NDUFAF7: variants seen among roughly 807,000 people sequenced by gnomAD.
NDUFAF7 encodes the protein protein arginine methyltransferase NDUFAF7, mitochondrial.
A neutral mutation model predicts 47.2 loss-of-function variants in NDUFAF7; 48 were observed. The observed-to-expected ratio is 1.02, with a 90% confidence interval of 0.81 to 1.29. The LOEUF is 1.29. Ranked by LOEUF, NDUFAF7 falls within the 50% of genes most tolerant of loss-of-function variation. The pLI is 0.00. For synonymous variants in NDUFAF7, 217 were observed against 190.0 expected (o/e 1.14, Z -1.17); for missense variants, 635 against 537.6 (o/e 1.18, Z -1.79).
At chr2:37,237,199 A>AC (rs1665885974) in intron 3 of NDUFAF7, among the ~76,000 whole-genome samples, 1 of 152,040 alleles carries the variant, frequency 6.6e-6, no homozygotes, top group Non-Finnish European at 1.5e-5. Context: ...TGAACTCCCG[A>AC]CCTCAGGTGG....
the NDUFAF7 span, chr2:37,267,854 C>T: frequency 3.9e-6 from 1 of 259,030 alleles, no homozygotes. Flanking sequence ...GAGACTCTGT[C>T]AAGATGGAAA....
intron 6 of NDUFAF7, among the ~76,000 whole-genome samples, chr2:37,243,112 C>T (rs905902883): frequency 1.3e-4 from 20 of 152,222 alleles, no homozygotes; most frequent in Admixed American, 7.2e-4. Flanking sequence ...CAGGTGTGCG[C>T]CACTGCACCC....
At chr2:37,232,611 G>A in intron 2 of NDUFAF7, among the ~76,000 whole-genome samples, 1 of 152,142 alleles carries the variant, frequency 6.6e-6, no homozygotes, top group East Asian at 1.9e-4. Flanking sequence ...AGGATGGAGA[G>A]TTCAGGCTGG....
rs1390118519 is a variant in NDUFAF7, at chr2:37,248,532, C to T, written c.*182C>T. 1.5e-5 allele frequency: 10 copies of T among 650,212 alleles called. No homozygotes were observed. Among genetic ancestry groups the T allele is most frequent in the Middle Eastern group, 4.1e-4 (1 of 2,430 alleles). The allele number at this position is 650,212 out of a possible 1,614,324, so 40.3% of individuals were successfully genotyped here. A position where few individuals can be genotyped will look rare whatever the true frequency, so the allele number is the denominator to read the frequency against. ...TTTAGGGTTGTGACTGGCTTTGGTG[C>T]AAATGTGTGCTCAAGCTAATAAGTT... is the stretch of plus-strand genomic sequence containing the variant. On this transcript the variant is annotated 3_prime_UTR_variant, in exon 10 of 10. Transcript: ENST00000002125.
intron 2 of NDUFAF7, among the ~76,000 whole-genome samples, chr2:37,232,797 T>C (rs992517851): frequency 7.9e-5 from 12 of 152,190 alleles, no homozygotes; most frequent in African/African-American, 2.9e-4. Flanking sequence ...GTCTTCACTG[T>C]TCTAGGATTA....
At chr2:37,244,545 T>C (rs991325026) in intron 7 of NDUFAF7, among the ~76,000 whole-genome samples, 2 of 150,396 alleles carry the variant, frequency 1.3e-5, no homozygotes, top group African/African-American at 4.9e-5. Flanking sequence ...TGCAAGAGCC[T>C]GTCTATTGTG....
At chr2:37,245,128 C>G (rs1467666698) in intron 7 of NDUFAF7, among the ~76,000 whole-genome samples, 1 of 152,140 alleles carries the variant, frequency 6.6e-6, no homozygotes. Context: ...TCACAATAAA[C>G]CTACAATATC....
At chr2:37,245,099 G>C (rs971230306) in intron 7 of NDUFAF7, among the ~76,000 whole-genome samples, 2 of 152,132 alleles carry the variant, frequency 1.3e-5, no homozygotes, top group African/African-American at 4.8e-5. Context: ...TTAGCTAAAT[G>C]GTTAGTTATA....
At chr2:37,232,074 C>T (rs1418755178) in intron 1 of NDUFAF7, 32 bp from the exon 2 acceptor site, 1 of 1,614,150 alleles carries the variant, frequency 6.2e-7, no homozygotes, top group African/African-American at 1.3e-5. Context: ...TCAGATTTAT[C>T]ATGGGGTCTG....
intron 1 of NDUFAF7, 141 bp from the exon 2 acceptor site, chr2:37,231,965 G>A: frequency 6.3e-7 from 1 of 1,599,606 alleles, no homozygotes; most frequent in Non-Finnish European, 8.5e-7. Flanking sequence ...GCGCCCCGTG[G>A]GCGTGCTAAG....
At chr2:37,253,595 T>C (rs1667691212), downstream of NDUFAF7, among the ~76,000 whole-genome samples, 1 of 152,146 alleles carries the variant, frequency 6.6e-6, no homozygotes, top group Non-Finnish European at 1.5e-5. Context: ...TTAAAAAAAA[T>C]TTGCTTCAGG....
At chr2:37,245,257 G>C (rs868636097) in intron 7 of NDUFAF7, among the ~76,000 whole-genome samples, 1 of 152,146 alleles carries the variant, frequency 6.6e-6, no homozygotes, top group Non-Finnish European at 1.5e-5. Context: ...CATCAGGGCA[G>C]GTCATTACTG....
intron 4 of NDUFAF7, among the ~76,000 whole-genome samples, chr2:37,239,158 A>C: frequency 7.2e-6 from 1 of 138,224 alleles, no homozygotes. Context: ...TCACTTTGTC[A>C]CTCAGGCTGG....
chr2:37,250,070 G>A (rs1572581423), downstream of NDUFAF7, among the ~76,000 whole-genome samples: 1 of 151,482 alleles, frequency 6.6e-6, no homozygotes, highest in African/African-American at 2.4e-5. Flanking sequence ...GCTATCATTA[G>A]TGGTGGTGTA....
At chr2:37,253,275 C>T, downstream of NDUFAF7, 1 of 1,613,016 alleles carries the variant, frequency 6.2e-7, no homozygotes, top group Non-Finnish European at 8.5e-7. Flanking sequence ...CAGCGAGCAT[C>T]ATCACTTTCA....
downstream of NDUFAF7, among the ~76,000 whole-genome samples, chr2:37,255,131 ACT>A (rs1432332034): frequency 6.6e-6 from 1 of 152,244 alleles, no homozygotes; most frequent in East Asian, 1.9e-4. Context: ...TACAGAACAC[ACT>A]GCCTCAGGAG....
the NDUFAF7 span, chr2:37,267,819 T>A: frequency 3.0e-6 from 1 of 331,434 alleles, no homozygotes; most frequent in African/African-American, 2.2e-5. Context: ...TCAATGATAG[T>A]TAATTACCCT....
chr2:37,264,869 A>G, the NDUFAF7 span, among the ~76,000 whole-genome samples: 1 of 152,198 alleles, frequency 6.6e-6, no homozygotes, highest in Non-Finnish European at 1.5e-5. Context: ...CATTTCTGTT[A>G]AACAGAATTA....
At chr2:37,251,645 TG>T (rs373705263), downstream of NDUFAF7, 11 of 151,916 alleles carry the variant, frequency 7.2e-5, no homozygotes, top group South Asian at 2.3e-3. Context: ...TCAAATTCGG[TG>T]GGCAACGATA....
Sources: allele counts gnomAD v4.1 joint callset (sites outside exome capture counted in the v4.1 genomes callset), GRCh38; gene constraint gnomAD v4.1.1; transcripts MANE v1.5; gene names NCBI Gene and HGNC (gene_info 2026-07-23, HGNC 2026-07-21).